The following DLG2 variants were observed in gnomAD, a reference collection of about 807,000 sequenced individuals.
The protein encoded by DLG2 is disks large homolog 2.
In DLG2, 45 loss-of-function variants were observed where a neutral mutation model predicts 132.5. The observed-to-expected ratio is 0.34, with a 90% CI of 0.27 to 0.44. The LOEUF is 0.44. Ranked by LOEUF, DLG2 falls within the 20% of genes least tolerant of loss-of-function variation. DLG2 has a pLI of 1.00. For missense variants in DLG2, 1,045 were observed against 1,196.9 expected, an observed-to-expected ratio of 0.87 and a Z score of 1.87; for synonymous variants, 424 against 419.6, an observed-to-expected ratio of 1.01 and a Z score of -0.13.
chr11:85,290,006 A>C (rs994573396), intron 3 of DLG2, among the ~76,000 whole-genome samples: 3 of 152,178 alleles, frequency 2.0e-5, no homozygotes, highest in Admixed American at 6.6e-5. Context: ...GAATGAAGAC[A>C]ATGTTCTATC....
intron 19 of DLG2, among the ~76,000 whole-genome samples, chr11:83,568,213 A>C (rs970629363): frequency 1.2e-4 from 18 of 152,132 alleles, no homozygotes; most frequent in African/African-American, 4.3e-4. Context: ...GCTTTTAAGG[A>C]GGCAGAGTCA....
At chr11:84,713,444 G>C (rs557867802) in intron 6 of DLG2, among the ~76,000 whole-genome samples, 35 of 152,208 alleles carry the variant, frequency 2.3e-4, no homozygotes, top group African/African-American at 8.4e-4. Context: ...TATTGAGAGA[G>C]AAACTGAAGT....
chr11:84,923,534 C>G (rs1441769896), intron 6 of DLG2: 19 of 1,026,812 alleles, frequency 1.9e-5, no homozygotes, highest in African/African-American at 3.4e-5. Flanking sequence ...TTCTGGAGAG[C>G]CCCGGTGTTA....
chr11:83,903,228 T>A (rs1028779392), intron 15 of DLG2, among the ~76,000 whole-genome samples: 1 of 152,106 alleles, frequency 6.6e-6, no homozygotes, highest in African/African-American at 2.4e-5. Context: ...TAATGCTATA[T>A]AGTAAACTCC....
chr11:85,251,526 C>A (rs1314983069), intron 4 of DLG2, among the ~76,000 whole-genome samples: 2 of 151,956 alleles, frequency 1.3e-5, no homozygotes, highest in South Asian at 2.1e-4. Flanking sequence ...CAAATTTGAT[C>A]ATCTTAAAAC....
intron 7 of DLG2, among the ~76,000 whole-genome samples, chr11:84,361,803 TGTGA>T (rs1439797585): frequency 1.3e-5 from 2 of 152,016 alleles, no homozygotes; most frequent in African/African-American, 4.8e-5. Flanking sequence ...AGCATATTAT[TGTGA>T]GTTTCTCACA....
chr11:84,535,965 A>ATATATATAT (rs1209865425), intron 6 of DLG2, among the ~76,000 whole-genome samples: 3 of 151,444 alleles, frequency 2.0e-5, no homozygotes, highest in African/African-American at 7.3e-5. Context: ...ATATATATAT[A>ATATATATAT]AAACTTCTAG....
intron 21 of DLG2, among the ~76,000 whole-genome samples, chr11:83,518,055 C>A (rs182098759): frequency 2.0e-5 from 3 of 152,334 alleles, no homozygotes; most frequent in African/African-American, 7.2e-5. Flanking sequence ...AGCTGTCAGA[C>A]AGGAACATTT....
At chr11:85,518,110 C>G (rs2094205583) in intron 3 of DLG2, among the ~76,000 whole-genome samples, 1 of 152,116 alleles carries the variant, frequency 6.6e-6, no homozygotes, top group African/African-American at 2.4e-5. Flanking sequence ...AGCATGAAAA[C>G]AGACTAATAG....
intron 7 of DLG2, among the ~76,000 whole-genome samples, chr11:84,400,385 T>G (rs777136316): frequency 2.0e-5 from 3 of 152,192 alleles, no homozygotes; most frequent in Non-Finnish European, 4.4e-5. Context: ...TAAGATTAAC[T>G]AGACCATATA....
intron 12 of DLG2, among the ~76,000 whole-genome samples, chr11:83,972,112 C>G (rs2091451610): frequency 6.6e-6 from 1 of 151,978 alleles, no homozygotes; most frequent in African/African-American, 2.4e-5. Context: ...GTTAATTTCT[C>G]AAGGCCAATG....
At chr11:84,770,631 T>C (rs1289546199) in intron 6 of DLG2, among the ~76,000 whole-genome samples, 7 of 150,622 alleles carry the variant, frequency 4.6e-5, no homozygotes, top group Non-Finnish European at 8.9e-5. Context: ...CTGTAAAGGA[T>C]ATGATTTCAT....
chr11:84,189,928 G>A (rs184679469), intron 8 of DLG2, among the ~76,000 whole-genome samples: 9 of 151,402 alleles, frequency 5.9e-5, no homozygotes, highest in East Asian at 2.0e-4. Context: ...CATGGCACAC[G>A]TTTCCCTATG....
intron 15 of DLG2, among the ~76,000 whole-genome samples, chr11:83,900,670 T>C (rs954489383): frequency 6.6e-6 from 1 of 152,146 alleles, no homozygotes; most frequent in African/African-American, 2.4e-5. Context: ...AGAGGATATA[T>C]GGAAATACCT....
intron 8 of DLG2, among the ~76,000 whole-genome samples, chr11:84,247,303 T>C (rs1440292298): frequency 6.6e-6 from 1 of 152,188 alleles, no homozygotes; most frequent in African/African-American, 2.4e-5. Context: ...GCATTATTAT[T>C]TGGCTGAGTC....
intron 6 of DLG2, among the ~76,000 whole-genome samples, chr11:84,617,827 C>T (rs1403096848): frequency 6.6e-6 from 1 of 152,004 alleles, no homozygotes. Context: ...CATATGGTCA[C>T]CCTAAGTAAT....
chr11:84,209,794 A>G (rs1240818009), intron 8 of DLG2, among the ~76,000 whole-genome samples: 1 of 152,220 alleles, frequency 6.6e-6, no homozygotes, highest in East Asian at 1.9e-4. Context: ...TAAAATTAAA[A>G]AGATGAACAA....
At chr11:84,430,555 C>T (rs924419983) in intron 7 of DLG2, among the ~76,000 whole-genome samples, 2 of 152,084 alleles carry the variant, frequency 1.3e-5, no homozygotes, top group Admixed American at 6.5e-5. Flanking sequence ...TAATAATGCT[C>T]GAGTAAACTG....
chr11:84,640,976 C>T lies in DLG2; in HGVS notation c.358-106245G>A, dbSNP rs1336421155. 2.1e-5 allele frequency among the ~76,000 whole-genome samples: 3 copies of T among 140,792 alleles called. No homozygotes were observed. In the East Asian group the frequency reaches 6.1e-4, roughly 29 times the overall value. The allele number at this position is 140,792 out of a possible 152,430, so 92.4% of individuals were successfully genotyped here. ...ACAAAAAAAAAAAACAAAAAAAAAA[C>T]AACTATTGATTTGGAAAATTTTTTT... On this transcript the variant is annotated intron_variant, in intron 6 of 27. Transcript: ENST00000376104.
Sources: gnomAD v4.1 joint callset for allele counts (sites outside exome capture counted in the v4.1 genomes callset) on GRCh38, gnomAD v4.1.1 for gene constraint, MANE v1.5 for transcripts, NCBI Gene and HGNC (gene_info 2026-07-23, HGNC 2026-07-21) for gene names.